CMSS1: variants seen among roughly 807,000 people sequenced by gnomAD.
The protein encoded by CMSS1 is cms1 ribosomal small subunit homolog, also known as protein CMSS1.
CMSS1 carries 33 observed loss-of-function variants against 43.5 expected under a neutral mutation model. The ratio of observed to expected loss-of-function variants is 0.76; its 90% CI spans 0.57 to 1.01. The LOEUF (loss-of-function observed/expected upper bound fraction) is 1.01, where lower values mean the gene tolerates loss of function less well. CMSS1 is among the 50% of genes least tolerant of loss of function. CMSS1 has a pLI of 0.00. For missense variants in CMSS1, 313 were observed against 326.4 expected (o/e 0.96, Z 0.32); for synonymous variants, 115 against 117.2 (o/e 0.98, Z 0.12).
chr3:100,001,982 C>T (rs78679226), intron 1 of CMSS1, among the ~76,000 whole-genome samples: 44 of 152,268 alleles, frequency 2.9e-4, no homozygotes, highest in African/African-American at 1.0e-3. Flanking sequence ...CATATCCCCC[C>T]CAATTCTGAA....
chr3:100,011,116 C>T (rs1177017665), intron 1 of CMSS1, among the ~76,000 whole-genome samples: 1 of 152,076 alleles, frequency 6.6e-6, no homozygotes, highest in East Asian at 1.9e-4. Context: ...TTAAGCACGA[C>T]AGAGACAAAG....
At chr3:100,136,946 T>A (rs1488632937) in intron 1 of CMSS1, among the ~76,000 whole-genome samples, 1 of 152,264 alleles carries the variant, frequency 6.6e-6, no homozygotes, top group Non-Finnish European at 1.5e-5. Context: ...GAGAGCCTCT[T>A]CCTCCTTGGC....
chr3:99,834,163 C>G (rs887524248), intron 1 of CMSS1, among the ~76,000 whole-genome samples: 3 of 152,056 alleles, frequency 2.0e-5, no homozygotes, highest in Admixed American at 6.5e-5. Context: ...TCAGAGCTCC[C>G]CTATTAAACA....
chr3:100,065,654 C>T (rs1422456741), intron 1 of CMSS1, among the ~76,000 whole-genome samples: 2 of 150,506 alleles, frequency 1.3e-5, no homozygotes, highest in African/African-American at 4.9e-5. Context: ...CCATAGTTGT[C>T]ACCATTATAA....
At chr3:100,059,421 C>G (rs982556453) in intron 1 of CMSS1, among the ~76,000 whole-genome samples, 6 of 152,138 alleles carry the variant, frequency 3.9e-5, no homozygotes, top group African/African-American at 1.4e-4. Flanking sequence ...CACTGCTTTC[C>G]CCTGCTTCTT....
At chr3:100,109,840 C>T (rs529120129) in intron 1 of CMSS1, 2 of 151,570 alleles carry the variant, frequency 1.3e-5, no homozygotes, top group African/African-American at 2.4e-5. Flanking sequence ...AAGCATCAAA[C>T]TCAGGAATCA....
chr3:99,963,132 C>T (rs1036702326), intron 1 of CMSS1, among the ~76,000 whole-genome samples: 1 of 152,198 alleles, frequency 6.6e-6, no homozygotes, highest in Admixed American at 6.5e-5. Flanking sequence ...ATTAGGATAA[C>T]AGTGCACCAG....
chr3:100,053,489 CT>C (rs1559740795), intron 1 of CMSS1, among the ~76,000 whole-genome samples: 1 of 152,186 alleles, frequency 6.6e-6, no homozygotes, highest in African/African-American at 2.4e-5. Context: ...AAATTTCTGT[CT>C]TCTCATGAGG....
At chr3:100,024,063 G>T (rs757579062) in intron 1 of CMSS1, among the ~76,000 whole-genome samples, 1 of 152,108 alleles carries the variant, frequency 6.6e-6, no homozygotes, top group African/African-American at 2.4e-5. Flanking sequence ...AGTAGTGTCT[G>T]TGTGTCCCTT....
chr3:99,863,486 G>A (rs1301640209), intron 1 of CMSS1, among the ~76,000 whole-genome samples: 1 of 152,142 alleles, frequency 6.6e-6, no homozygotes, highest in Non-Finnish European at 1.5e-5. Flanking sequence ...AAAATGTCAA[G>A]TAGACTATTA....
At chr3:99,861,708 G>A (rs1166805314) in intron 1 of CMSS1, among the ~76,000 whole-genome samples, 1 of 152,152 alleles carries the variant, frequency 6.6e-6, no homozygotes, top group Non-Finnish European at 1.5e-5. Context: ...GAGGGCAGGT[G>A]GAATGACTGA....
At chr3:100,172,049 T>C in intron 7 of CMSS1, 150 bp downstream of exon 7, 3 of 676,274 alleles carry the variant, frequency 4.4e-6, no homozygotes, top group South Asian at 2.0e-5. Flanking sequence ...TTAAATTCTA[T>C]GCTTCTGCAT....
intron 1 of CMSS1, among the ~76,000 whole-genome samples, chr3:100,034,605 T>C (rs986003904): frequency 9.2e-5 from 14 of 152,214 alleles, no homozygotes; most frequent in African/African-American, 3.1e-4. Context: ...TGCTTCCTTA[T>C]CAGTAAAACT....
intron 1 of CMSS1, among the ~76,000 whole-genome samples, chr3:100,050,679 C>T (rs1281473647): frequency 2.0e-5 from 3 of 152,020 alleles, no homozygotes; most frequent in Non-Finnish European, 1.5e-5. Context: ...TACAGGTGTG[C>T]GCCACCTTGC....
At chr3:100,126,997 CAAAA>C (rs555086775) in intron 1 of CMSS1, among the ~76,000 whole-genome samples, 1 of 110,736 alleles carries the variant, frequency 9.0e-6, no homozygotes, top group Non-Finnish European at 1.9e-5. Flanking sequence ...GACTCCGTCT[CAAAA>C]AAAAAAAAAG....
At chr3:100,152,203 CTT>C (rs80126820) in intron 2 of CMSS1, among the ~76,000 whole-genome samples, 7 of 143,572 alleles carry the variant, frequency 4.9e-5, no homozygotes, top group Admixed American at 7.0e-5. Context: ...TATCCTTCTT[CTT>C]TTTTTTTTTT....
At chr3:100,128,179 G>A (rs1377697079) in intron 1 of CMSS1, among the ~76,000 whole-genome samples, 5 of 152,194 alleles carry the variant, frequency 3.3e-5, no homozygotes, top group African/African-American at 1.2e-4. Context: ...TGCACATGTT[G>A]TTCTGGAACG....
At chr3:100,062,067 T>C (rs915202930) in intron 1 of CMSS1, among the ~76,000 whole-genome samples, 8 of 147,010 alleles carry the variant, frequency 5.4e-5, no homozygotes, top group African/African-American at 1.8e-4. Flanking sequence ...TCTGGAAATA[T>C]CCACTTGTGG....
chr3:99,989,428 G>A (rs528810092), intron 1 of CMSS1, among the ~76,000 whole-genome samples: 10 of 152,188 alleles, frequency 6.6e-5, no homozygotes, highest in African/African-American at 1.9e-4. Flanking sequence ...CAATTACTGT[G>A]TCCCCCACAT....
Sources: gnomAD v4.1 joint callset for allele counts (sites outside exome capture counted in the v4.1 genomes callset) on GRCh38, gnomAD v4.1.1 for gene constraint, MANE v1.5 for transcripts, NCBI Gene and HGNC (gene_info 2026-07-23, HGNC 2026-07-21) for gene names.